NTM: variants seen among roughly 807,000 people sequenced by gnomAD.
The protein encoded by NTM is neurotrimin.
A neutral mutation model predicts 42.1 loss-of-function variants in NTM; 13 were observed. The observed-to-expected ratio is 0.31, with a 90% CI of 0.20 to 0.49. NTM has a LOEUF of 0.49. Among genes scored for constraint, NTM ranks in the 20% least tolerant of loss-of-function variants. The pLI is 0.99. For synonymous variants in NTM, 187 were observed against 179.2 expected (o/e 1.04, Z -0.35); for missense variants, 373 against 452.8 (o/e 0.82, Z 1.60).
intron 4 of NTM, among the ~76,000 whole-genome samples, chr11:132,249,770 G>A (rs909994653): frequency 6.6e-6 from 1 of 152,136 alleles, no homozygotes; most frequent in Admixed American, 6.5e-5. Flanking sequence ...ACTTTCTCTC[G>A]GTTTTCTCTT....
chr11:131,908,158 G>A (rs760732670), intron 1 of NTM, among the ~76,000 whole-genome samples: 2 of 152,134 alleles, frequency 1.3e-5, no homozygotes, highest in Non-Finnish European at 2.9e-5. Context: ...TTCCCTTCAC[G>A]GGCAGAGACA....
At chr11:131,781,446 G>A (rs2088107131) in intron 1 of NTM, among the ~76,000 whole-genome samples, 1 of 150,552 alleles carries the variant, frequency 6.6e-6, no homozygotes, top group Non-Finnish European at 1.5e-5. Flanking sequence ...AACACCAGGT[G>A]AAATAAATGA....
chr11:131,542,807 A>G (rs747810205), intron 1 of NTM, among the ~76,000 whole-genome samples: 21 of 152,154 alleles, frequency 1.4e-4, no homozygotes, highest in Non-Finnish European at 2.4e-4. Context: ...CTGGGTGAGG[A>G]GGTGTGCAGC....
At position 131,934,093 on chromosome 11, in the gene NTM, T is replaced by A. The variant is rs375180223; in HGVS notation, c.167+22445T>A. Among the ~76,000 whole-genome samples, 4 of 152,302 alleles carry A rather than the reference T, an allele frequency of 2.6e-5. No individual in the cohort carries two copies. In the South Asian group the frequency reaches 8.3e-4, roughly 32 times the overall value. ...GTGTTCTAAACAACAGCACTGGTCT[T>A]TTTTATGTATAGTTACCATGTGCAC... On this transcript the variant is annotated intron_variant, in intron 2 of 8. Coordinates refer to ENST00000683400, the MANE Select transcript of NTM (RefSeq NM_001352005.2).
intron 2 of NTM, among the ~76,000 whole-genome samples, chr11:132,007,663 G>A (rs867151588): frequency 6.6e-6 from 1 of 152,192 alleles, no homozygotes; most frequent in Admixed American, 6.5e-5. Context: ...GAATCCTTTT[G>A]TGAAGGAATA....
At chr11:131,446,005 ATTGCCC>A (rs1950027634) in intron 1 of NTM, among the ~76,000 whole-genome samples, 1 of 152,226 alleles carries the variant, frequency 6.6e-6, no homozygotes, top group Non-Finnish European at 1.5e-5. Context: ...ATAGAAATCA[ATTGCCC>A]ACCCCATTCT....
At chr11:131,908,926 G>A (rs1468925846) in intron 1 of NTM, among the ~76,000 whole-genome samples, 1 of 152,162 alleles carries the variant, frequency 6.6e-6, no homozygotes, top group Non-Finnish European at 1.5e-5. Context: ...ATTCCTGATA[G>A]TAAAGTCATT....
intron 2 of NTM, among the ~76,000 whole-genome samples, chr11:132,070,142 A>G (rs111427257): frequency 2.1e-5 from 3 of 144,818 alleles, no homozygotes; most frequent in African/African-American, 2.6e-5. Context: ...CACACAGCCA[A>G]GTTAACACGT....
chr11:131,891,493 A>C (rs75285493), intron 1 of NTM, among the ~76,000 whole-genome samples: 1,588 of 152,292 alleles, frequency 0.01, 31 homozygotes, highest in African/African-American at 0.036. Flanking sequence ...CAAAAAGAAG[A>C]AGCACATTTC....
At chr11:131,527,911 T>C (rs765729090) in intron 1 of NTM, among the ~76,000 whole-genome samples, 1 of 152,170 alleles carries the variant, frequency 6.6e-6, no homozygotes, top group Non-Finnish European at 1.5e-5. Flanking sequence ...CATGTACTAG[T>C]TGAGTATCCC....
chr11:132,304,393 A>T (rs1217771672), intron 4 of NTM, among the ~76,000 whole-genome samples: 1 of 149,116 alleles, frequency 6.7e-6, no homozygotes, highest in African/African-American at 2.4e-5. Context: ...ATCCTTCAGC[A>T]CTTTAAAGAC....
At chr11:132,125,937 G>A (rs1566233395) in intron 2 of NTM, among the ~76,000 whole-genome samples, 1 of 151,614 alleles carries the variant, frequency 6.6e-6, no homozygotes, top group East Asian at 1.9e-4. Context: ...TTGTGTGTGT[G>A]TAAGAGAGAT....
At chr11:131,688,968 C>T (rs1356399266) in intron 1 of NTM, among the ~76,000 whole-genome samples, 1 of 152,154 alleles carries the variant, frequency 6.6e-6, no homozygotes, top group African/African-American at 2.4e-5. Context: ...TTCTGCAGGA[C>T]ACACTCTTAG....
intron 1 of NTM, among the ~76,000 whole-genome samples, chr11:131,633,788 T>TCTCTCTCTCTCTCTCTCTCTCA (rs141539738): frequency 3.8e-4 from 21 of 55,150 alleles, no homozygotes; most frequent in African/African-American, 9.2e-4. Context: ...TCTCTCTCTC[T>TCTCTCTCTCTCTCTCTCTCTCA]CACACACACA....
rs547734419 is a variant in NTM at position 131,412,229 on chromosome 11, G to T, written c.82+41341G>T. Among the ~76,000 whole-genome samples the T allele has an allele frequency of 2.1e-3, 319 of 152,272 alleles. 2 individuals are homozygous for T. The highest frequency in any genetic ancestry group is 7.5e-3 in the African/African-American group (312 of 41,542). On this transcript the variant is annotated intron_variant, in intron 1 of 8. Coordinates refer to ENST00000683400, the MANE Select transcript of NTM (RefSeq NM_001352005.2). ...AACAGCATTTGTTTGGGGCTCATGG[G>T]CCTGTAAGTTCTCATCATGAAACAA...
chr11:132,266,346 T>A, intron 4 of NTM, among the ~76,000 whole-genome samples: 1 of 152,114 alleles, frequency 6.6e-6, no homozygotes, highest in African/African-American at 2.4e-5. Context: ...TTGTTGCCAG[T>A]GTGGAGTGGG....
chr11:131,759,739 T>C (rs181783304), intron 1 of NTM, among the ~76,000 whole-genome samples: 66 of 152,222 alleles, frequency 4.3e-4, no homozygotes, highest in Admixed American at 7.9e-4. Flanking sequence ...TACCAAACTT[T>C]ATAAGAATAT....
chr11:131,677,419 TATC>T (rs1424956250), intron 1 of NTM, among the ~76,000 whole-genome samples: 2 of 152,212 alleles, frequency 1.3e-5, no homozygotes, highest in East Asian at 3.9e-4. Flanking sequence ...ATTTTTAACA[TATC>T]AGCGAGGTGC....
At chr11:132,041,652 A>C (rs181312503) in intron 2 of NTM, among the ~76,000 whole-genome samples, 7 of 152,272 alleles carry the variant, frequency 4.6e-5, no homozygotes, top group African/African-American at 7.2e-5. Flanking sequence ...TCCACGGTAA[A>C]TGGGAGCAGA....
Sources: gnomAD v4.1 joint callset for allele counts (sites outside exome capture counted in the v4.1 genomes callset) on GRCh38, gnomAD v4.1.1 for gene constraint, MANE v1.5 for transcripts, NCBI Gene and HGNC (gene_info 2026-07-23, HGNC 2026-07-21) for gene names.